PTK2B: variants seen among roughly 807,000 people sequenced by gnomAD.
PTK2B encodes the protein protein-tyrosine kinase 2-beta.
PTK2B carries 71 observed loss-of-function variants against 142.9 expected under a neutral mutation model. The observed-to-expected ratio is 0.50, with a 90% CI of 0.41 to 0.61. The LOEUF is 0.61. PTK2B is among the 20% of genes least tolerant of loss of function. The probability of loss-of-function intolerance (pLI) is 0.00; values close to 1 mark genes in which losing one functional copy is unlikely to be tolerated. For synonymous variants in PTK2B, 519 were observed against 503.4 expected, an observed-to-expected ratio of 1.03 and a Z score of -0.42; for missense variants, 1,105 against 1,320.4, an observed-to-expected ratio of 0.84 and a Z score of 2.53.
At chr8:27,362,870 T>C (rs981222482) in intron 1 of PTK2B, among the ~76,000 whole-genome samples, 3 of 152,230 alleles carry the variant, frequency 2.0e-5, no homozygotes, top group Non-Finnish European at 1.5e-5. Flanking sequence ...ATGCGAAATC[T>C]AGAACCACTC....
At chr8:27,318,389 G>A (rs545068439) in intron 3 of PTK2B, among the ~76,000 whole-genome samples, 23 of 152,316 alleles carry the variant, frequency 1.5e-4, no homozygotes, top group Non-Finnish European at 2.9e-4. Context: ...GGATGTTGGG[G>A]ACCAGATGAG....
intron 2 of PTK2B, among the ~76,000 whole-genome samples, chr8:27,415,084 G>T (rs1419317725): frequency 2.0e-5 from 3 of 151,916 alleles, no homozygotes; most frequent in Non-Finnish European, 4.4e-5. Flanking sequence ...CTGTTTTTTT[G>T]TTTGTTTGTT....
chr8:27,319,142 A>T (rs920247314), intron 3 of PTK2B, among the ~76,000 whole-genome samples: 5 of 151,926 alleles, frequency 3.3e-5, no homozygotes, highest in Non-Finnish European at 7.4e-5. Flanking sequence ...CATTTTTTTT[A>T]ACTTTTTCAT....
At chr8:27,408,467 T>C (rs1447138783) in intron 2 of PTK2B, among the ~76,000 whole-genome samples, 1 of 152,240 alleles carries the variant, frequency 6.6e-6, no homozygotes, top group Non-Finnish European at 1.5e-5. Flanking sequence ...TACATGACTG[T>C]CCATTGTTTG....
At chr8:27,427,828 T>A (rs957498593) in intron 5 of PTK2B, among the ~76,000 whole-genome samples, 1 of 152,100 alleles carries the variant, frequency 6.6e-6, no homozygotes, top group Non-Finnish European at 1.5e-5. Flanking sequence ...TGGGTAGGCT[T>A]CTCATGTCCT....
At chr8:27,354,420 G>C (rs1262356032) in intron 1 of PTK2B, among the ~76,000 whole-genome samples, 1 of 152,098 alleles carries the variant, frequency 6.6e-6, no homozygotes, top group Non-Finnish European at 1.5e-5. Flanking sequence ...AGGCTGGCCT[G>C]GGAGGAGGAA....
chr8:27,392,822 T>C (rs1234513513), intron 1 of PTK2B, among the ~76,000 whole-genome samples: 1 of 152,136 alleles, frequency 6.6e-6, no homozygotes, highest in Non-Finnish European at 1.5e-5. Context: ...CATGTGTCAA[T>C]AGAGACATGG....
intron 23 of PTK2B, 152 bp downstream of exon 23, chr8:27,444,423 A>G (rs1005951967): frequency 6.8e-5 from 55 of 814,086 alleles, no homozygotes; most frequent in South Asian, 3.3e-5. Flanking sequence ...AACAGAATGC[A>G]GACTCAGATC....
chr8:27,341,256 A>C (rs1332677091), intron 1 of PTK2B, among the ~76,000 whole-genome samples: 1 of 152,176 alleles, frequency 6.6e-6, no homozygotes, highest in Non-Finnish European at 1.5e-5. Context: ...TGCATTGCTA[A>C]ATGGGATGAA....
chr8:27,427,258 G>C (rs1810141833), intron 5 of PTK2B, among the ~76,000 whole-genome samples: 1 of 152,194 alleles, frequency 6.6e-6, no homozygotes, highest in African/African-American at 2.4e-5. Context: ...GTGACCATCT[G>C]CTCTTCCCAT....
At chr8:27,323,365 A>G (rs1166186082), upstream of PTK2B, 3 of 152,318 alleles carry the variant, frequency 2.0e-5, no homozygotes, top group Non-Finnish European at 4.4e-5. Context: ...AGAGTCCAGC[A>G]GCTGAAAGGA....
chr8:27,428,468 ACACT>A (rs1472010844), intron 5 of PTK2B, among the ~76,000 whole-genome samples: 1 of 152,236 alleles, frequency 6.6e-6, no homozygotes, highest in Non-Finnish European at 1.5e-5. Flanking sequence ...CCTCTGTCAG[ACACT>A]CAGTACAGAG....
intron 30 of PTK2B, among the ~76,000 whole-genome samples, chr8:27,454,878 C>T (rs1812053087): frequency 5.3e-5 from 8 of 152,238 alleles, no homozygotes; most frequent in Admixed American, 5.2e-4. Context: ...AAAGGGGACA[C>T]ACCTTCCTTT....
chr8:27,459,002 C>G lies in PTK2B; in HGVS notation c.*493C>G, dbSNP rs750418983. Reference sequence around the variant, plus strand: ...GAGGGATGGGCCTGGCATTCTTGTACAGTGTATATTGAAATTTATTTAATG... The same window carrying G: ...GAGGGATGGGCCTGGCATTCTTGTAGAGTGTATATTGAAATTTATTTAATG... On this transcript the variant is annotated 3_prime_UTR_variant, in exon 31 of 31. Coordinates refer to ENST00000346049, the MANE Select transcript of PTK2B (RefSeq NM_173176.3). 3.4e-6 allele frequency: 1 copy of G among 293,400 alleles called. No homozygotes were observed. Among genetic ancestry groups the G allele is most frequent in the South Asian group, 6.8e-5 (1 of 14,718 alleles). 18.2% of individuals were successfully genotyped at this position (293,400 alleles called of 1,614,324 possible). A position where few individuals can be genotyped will look rare whatever the true frequency, so the allele number is the denominator to read the frequency against.
At chr8:27,341,622 G>A (rs1804406391) in intron 1 of PTK2B, among the ~76,000 whole-genome samples, 1 of 152,158 alleles carries the variant, frequency 6.6e-6, no homozygotes, top group African/African-American at 2.4e-5. Context: ...CAGCCCTTCA[G>A]CATAGCATGG....
rs548983078 is a variant in PTK2B at position 27,454,416 on chromosome 8, A to G, written c.2734-115A>G. 47 of 1,543,144 alleles carry G rather than the reference A, an allele frequency of 3.0e-5. No homozygotes were observed. The Admixed American group carries it at 5.8e-4, about 19-fold the overall frequency. Reference sequence around the variant, plus strand: ...AGAGCAAGCTGGGCCAGGGGAATTGAGTCCCAGGCCACTCGCGGGGGACAA... The same window carrying G: ...AGAGCAAGCTGGGCCAGGGGAATTGGGTCCCAGGCCACTCGCGGGGGACAA... On this transcript the variant is annotated intron_variant, in intron 29 of 30. Coordinates refer to ENST00000346049, the MANE Select transcript of PTK2B (RefSeq NM_173176.3).
rs577746675 is a variant in PTK2B at position 27,432,323 on chromosome 8, C to G, written c.949C>G (p.Gln317Glu). ...CAGGTGCCTCCCGCTGGAGGAGGGC[C>G]AGGCAGTACTTCAGCTGGGCATTGA... ...SIRCLPLEEG[Q>E]AVLQLGIEGA... The change falls in exon 10 of 31, where the codon CAG becomes GAG. Residue 317 changes from glutamine to glutamate, a missense_variant. Physicochemically the swap from Gln to Glu is conservative, Grantham distance 29 (BLOSUM62 2). Coordinates refer to ENST00000346049, the MANE Select transcript of PTK2B (RefSeq NM_173176.3). 1 of 1,614,012 alleles carries G rather than the reference C, an allele frequency of 6.2e-7. No individual in the cohort carries two copies. The highest frequency in any genetic ancestry group is 1.1e-5 in the South Asian group (1 of 91,078).
chr8:27,422,240 G>A (rs961519487), intron 4 of PTK2B, 64 bp from the exon 5 acceptor site: 8 of 1,475,956 alleles, frequency 5.4e-6, no homozygotes, highest in Non-Finnish European at 7.4e-6. Flanking sequence ...ATCTTCTGAG[G>A]CCTCTGTGCA....
intron 1 of PTK2B, among the ~76,000 whole-genome samples, chr8:27,345,099 G>T (rs925168764): frequency 2.0e-5 from 3 of 152,166 alleles, no homozygotes; most frequent in Admixed American, 6.5e-5. Context: ...GGAGCCAAAG[G>T]TTGCACTAAG....
Sources: gnomAD v4.1 joint callset for allele counts (sites outside exome capture counted in the v4.1 genomes callset) on GRCh38, gnomAD v4.1.1 for gene constraint, MANE v1.5 for transcripts, NCBI Gene and HGNC (gene_info 2026-07-23, HGNC 2026-07-21) for gene names.